Variants in CSMD2 observed in about 807,000 individuals in gnomAD.
CSMD2 encodes the protein CUB and Sushi multiple domains 2.
In CSMD2, 130 loss-of-function variants were observed where a neutral mutation model predicts 398.5. The observed-to-expected ratio is 0.33, with a 90% CI of 0.28 to 0.38. The LOEUF (loss-of-function observed/expected upper bound fraction) is 0.38, where lower values mean the gene tolerates loss of function less well. Among genes scored for constraint, CSMD2 ranks in the 10% least tolerant of loss-of-function variants. The pLI is 1.00. For missense variants in CSMD2, 3,829 were observed against 4,764.9 expected, an observed-to-expected ratio of 0.80 and a Z score of 5.78; for synonymous variants, 1,828 against 1,908.5, an observed-to-expected ratio of 0.96 and a Z score of 1.10.
rs1437040066 is a variant in CSMD2, at chr1:33,633,186, A to G, written c.5200+236T>C. 1.3e-5 allele frequency among the ~76,000 whole-genome samples: 2 copies of G among 152,220 alleles called. No homozygotes were observed. The highest frequency in any genetic ancestry group is 2.9e-5 in the Non-Finnish European group (2 of 68,044). On this transcript the variant is annotated intron_variant, in intron 32 of 70. Coordinates refer to ENST00000373381, the MANE Select transcript of CSMD2 (RefSeq NM_001281956.2). The surrounding 1 kb of genome is among the most constrained non-coding windows in gnomAD (Gnocchi z 5.0). ...GAATACGAACCAACAGGAGAAGGCT[A>G]CACCACAAGGGGGCGGTGTAGACAC...
rs1479634025 is a variant in CSMD2 at position 33,518,396 on chromosome 1, TG to T, written c.*53+1068del. The stretch of plus-strand genomic sequence containing the variant: ...CTGTGTGCATGTATGCGTATGTGTG[TG>T]TGTGTGTGTGCATGACCGTGTACAC... On this transcript the variant is annotated intron_variant, in intron 70 of 70. Coordinates refer to ENST00000373381, the MANE Select transcript of CSMD2 (RefSeq NM_001281956.2). The surrounding 1 kb of genome is among the most constrained non-coding windows in gnomAD (Gnocchi z 4.3). Among the ~76,000 whole-genome samples, 1 of 152,094 alleles carries T rather than the reference TG, an allele frequency of 6.6e-6. No homozygotes were observed.
chr1:33,705,689 T>C (rs1645752128), intron 22 of CSMD2, among the ~76,000 whole-genome samples: 1 of 152,042 alleles, frequency 6.6e-6, no homozygotes, highest in Non-Finnish European at 1.5e-5. Flanking sequence ...TATAAAAATT[T>C]CCATTTCATC....
chr1:33,749,220 T>C (rs551525624), intron 13 of CSMD2, among the ~76,000 whole-genome samples: 46 of 147,148 alleles, frequency 3.1e-4, no homozygotes, highest in African/African-American at 1.1e-3. Flanking sequence ...TGCCTCAGCA[T>C]CCCGAGTAGC....
intron 3 of CSMD2, among the ~76,000 whole-genome samples, chr1:34,031,765 C>CAAAAAAAAAAAAA (rs556094322): frequency 1.4e-5 from 1 of 71,256 alleles, no homozygotes; most frequent in African/African-American, 5.5e-5. Context: ...AAGGCAAAGG[C>CAAAAAAAAAAAAA]AAAAAAAAAA....
At chr1:33,614,147 C>CTT (rs61545118) in intron 40 of CSMD2, among the ~76,000 whole-genome samples, 2 of 149,704 alleles carry the variant, frequency 1.3e-5, no homozygotes, top group African/African-American at 4.9e-5. Flanking sequence ...CCACCCCCGC[C>CTT]TTTTTTTTTA....
At chr1:33,829,986 A>G (rs1385819007) in intron 6 of CSMD2, among the ~76,000 whole-genome samples, 1 of 152,256 alleles carries the variant, frequency 6.6e-6, no homozygotes, top group Non-Finnish European at 1.5e-5. Flanking sequence ...AGGCTTCAGT[A>G]GGTAAACAAA....
At position 33,783,378 on chromosome 1, in the gene CSMD2, C is replaced by T. The variant is rs750980651; in HGVS notation, c.1663+5222G>A. Among the ~76,000 whole-genome samples the T allele has an allele frequency of 1.6e-4, 25 of 151,698 alleles. 1 individual carries two copies. Among genetic ancestry groups the T allele is most frequent in the African/African-American group, 4.4e-4 (18 of 41,172 alleles). On this transcript the variant is annotated intron_variant, in intron 12 of 70. Coordinates refer to ENST00000373381, the MANE Select transcript of CSMD2 (RefSeq NM_001281956.2). ...AAATGAGGTCATAAGGGCAGGGCCC[C>T]GATCTGAGAGGATGGATGTCTAAGA...
chr1:33,956,645 A>T (rs1370447982), intron 3 of CSMD2, among the ~76,000 whole-genome samples: 2 of 151,838 alleles, frequency 1.3e-5, no homozygotes, highest in Non-Finnish European at 2.9e-5. Flanking sequence ...CCACACCCAC[A>T]CCATCAGTCA....
At chr1:33,544,409 G>A (rs1046725839) in intron 57 of CSMD2, among the ~76,000 whole-genome samples, 38 of 151,900 alleles carry the variant, frequency 2.5e-4, no homozygotes, top group Admixed American at 3.9e-4. Flanking sequence ...GAGCCACCGC[G>A]CCCGGCCTCC....
chr1:34,065,322 G>A (rs1351253208), intron 2 of CSMD2, among the ~76,000 whole-genome samples: 1 of 152,188 alleles, frequency 6.6e-6, no homozygotes, highest in Non-Finnish European at 1.5e-5. Flanking sequence ...CCGAATTGTT[G>A]GGTATGCACA....
At chr1:33,547,163 A>G (rs1656984954) in intron 56 of CSMD2, among the ~76,000 whole-genome samples, 1 of 152,156 alleles carries the variant, frequency 6.6e-6, no homozygotes, top group African/African-American at 2.4e-5. Context: ...CTCTTGCTAC[A>G]TTCCTACATT....
At chr1:33,726,763 G>A in intron 15 of CSMD2, 78 bp from the exon 16 acceptor site, 3 of 1,435,258 alleles carry the variant, frequency 2.1e-6, no homozygotes, top group East Asian at 2.4e-5. Context: ...TCTATAAAAT[G>A]TGTCAGGCAA....
chr1:33,667,774 T>G lies in CSMD2; in HGVS notation c.4053-4682A>C, dbSNP rs1571152167. The stretch of plus-strand genomic sequence containing the variant: ...AGGGAGGAGAAGGCGGGGTTCTCTG[T>G]GTGCACGAACAATACAAGTTGGCAA... On this transcript the variant is annotated intron_variant, in intron 25 of 70. Transcript: ENST00000373381. 2.6e-5 allele frequency among the ~76,000 whole-genome samples: 4 copies of G among 152,218 alleles called. No individual in the cohort carries two copies. In the South Asian group the frequency reaches 8.3e-4, roughly 32 times the overall value.
intron 50 of CSMD2, 73 bp downstream of exon 50, chr1:33,572,433 A>C (rs1570775651): frequency 6.1e-6 from 8 of 1,311,542 alleles, no homozygotes; most frequent in Non-Finnish European, 7.1e-6. Context: ...CTTTTAGCTC[A>C]CTCCTTGCAG....
At chr1:33,640,501 A>G (rs1357895801) in intron 29 of CSMD2, among the ~76,000 whole-genome samples, 1 of 152,194 alleles carries the variant, frequency 6.6e-6, no homozygotes, top group Non-Finnish European at 1.5e-5. Flanking sequence ...ATTTGTTTAC[A>G]TATTGTCTGT....
rs751995677 is a variant in CSMD2 at position 34,153,771 on chromosome 1, G to A, written c.187+11140C>T. 4.2e-4 allele frequency among the ~76,000 whole-genome samples: 64 copies of A among 152,306 alleles called. 1 individual carries two copies. Among genetic ancestry groups the A allele is most frequent in the Middle Eastern group, 3.4e-3 (1 of 294 alleles). ...GACAGGAAGGTTCTAGAACTCCTCAGAGCCCTCTATACAGAGAGCCAGCCC... is the reference window on the plus strand; with the variant it reads ...GACAGGAAGGTTCTAGAACTCCTCAAAGCCCTCTATACAGAGAGCCAGCCC... On this transcript the variant is annotated intron_variant, in intron 1 of 70. Transcript: ENST00000373381.
chr1:33,804,716 A>AG, intron 10 of CSMD2: 1 of 717,338 alleles, frequency 1.4e-6, no homozygotes, highest in South Asian at 1.5e-5. Context: ...GTGAGTGGAT[A>AG]GGCAGTCCTT....
chr1:33,937,291 G>A (rs1170802556), intron 3 of CSMD2, among the ~76,000 whole-genome samples: 1 of 152,154 alleles, frequency 6.6e-6, no homozygotes, highest in African/African-American at 2.4e-5. Flanking sequence ...CTGGGGGAGA[G>A]GTCAGAGATC....
At chr1:33,586,971 C>G (rs1639122806) in intron 45 of CSMD2, 117 bp downstream of exon 45, 5 of 738,308 alleles carry the variant, frequency 6.8e-6, no homozygotes, top group Non-Finnish European at 1.1e-5. Flanking sequence ...CCTACTGTTT[C>G]TCTCTCCACA....
Sources: allele counts gnomAD v4.1 joint callset (sites outside exome capture counted in the v4.1 genomes callset), GRCh38; gene constraint gnomAD v4.1.1; non-coding constraint Gnocchi (gnomAD v3.1); transcripts MANE v1.5; gene names NCBI Gene and HGNC (gene_info 2026-07-23, HGNC 2026-07-21).